The following RAP1GAP2 variants were observed in gnomAD, a reference collection of about 807,000 sequenced individuals.
The protein encoded by RAP1GAP2 is RAP1 GTPase activating protein 2.
A neutral mutation model predicts 95.0 loss-of-function variants in RAP1GAP2; 27 were observed. That is an observed-to-expected ratio of 0.28 (90% CI 0.21 to 0.39). The LOEUF (loss-of-function observed/expected upper bound fraction) is 0.39, where lower values mean the gene tolerates loss of function less well. Among genes scored for constraint, RAP1GAP2 ranks in the 10% least tolerant of loss-of-function variants. The pLI is 1.00. For synonymous variants in RAP1GAP2, 373 were observed against 380.9 expected (o/e 0.98, Z 0.24); for missense variants, 771 against 970.0 (o/e 0.79, Z 2.72).
At chr17:2,975,706 G>C (rs1249611846) in intron 8 of RAP1GAP2, among the ~76,000 whole-genome samples, 1 of 152,248 alleles carries the variant, frequency 6.6e-6, no homozygotes, top group African/African-American at 2.4e-5. Context: ...CTCCTGTGCA[G>C]TTAAGTCTCA....
At chr17:2,916,480 A>G (rs1180557065) in intron 3 of RAP1GAP2, among the ~76,000 whole-genome samples, 1 of 152,218 alleles carries the variant, frequency 6.6e-6, no homozygotes, top group African/African-American at 2.4e-5. Flanking sequence ...TGAAGGTCCC[A>G]CAGCTGGTGA....
chr17:2,957,868 C>T, intron 4 of RAP1GAP2, 74 bp downstream of exon 4: 1 of 1,412,722 alleles, frequency 7.1e-7, no homozygotes, highest in Non-Finnish European at 9.5e-7. Context: ...CCAGGCAGAA[C>T]CCACGGGCAG....
chr17:2,998,468 G>A, intron 14 of RAP1GAP2, 92 bp downstream of exon 14: 2 of 1,425,550 alleles, frequency 1.4e-6, no homozygotes, highest in Admixed American at 4.3e-5. Context: ...GTCCTCAGCA[G>A]TCAGAGATTC....
chr17:2,848,659 G>A (rs1206621568), intron 2 of RAP1GAP2, among the ~76,000 whole-genome samples: 2 of 151,876 alleles, frequency 1.3e-5, no homozygotes, highest in African/African-American at 2.4e-5. Flanking sequence ...TATTCCAAGC[G>A]CCCGCCACCA....
chr17:2,914,554 G>A (rs904060952), intron 3 of RAP1GAP2, among the ~76,000 whole-genome samples: 12 of 151,418 alleles, frequency 7.9e-5, no homozygotes, highest in African/African-American at 2.7e-4. Context: ...GCAGTGGCCC[G>A]ATCTCAGCTC....
intron 19 of RAP1GAP2, among the ~76,000 whole-genome samples, chr17:3,025,395 A>G (rs1366807785): frequency 6.6e-6 from 1 of 152,196 alleles, no homozygotes; most frequent in African/African-American, 2.4e-5. Flanking sequence ...TGCATTGAGG[A>G]CACGGCCATC....
chr17:2,979,027 AAAT>A (rs1597784966), intron 8 of RAP1GAP2, among the ~76,000 whole-genome samples: 1 of 152,128 alleles, frequency 6.6e-6, no homozygotes, highest in African/African-American at 2.4e-5. Context: ...AGGATATTAA[AAAT>A]AATATGTCAG....
At chr17:2,757,098 A>G (rs529809115) in intron 1 of RAP1GAP2, among the ~76,000 whole-genome samples, 6 of 152,264 alleles carry the variant, frequency 3.9e-5, no homozygotes, top group South Asian at 2.1e-4. Context: ...GAAACCAGAT[A>G]AAAGTAGAAT....
intron 2 of RAP1GAP2, among the ~76,000 whole-genome samples, chr17:2,891,709 G>A (rs1252617849): frequency 6.7e-6 from 1 of 149,652 alleles, no homozygotes; most frequent in Non-Finnish European, 1.5e-5. Flanking sequence ...ATTTTAGGTT[G>A]AAAATAATTT....
At chr17:2,991,479 C>T (rs2045748017) in intron 12 of RAP1GAP2, 82 bp downstream of exon 12, 3 of 1,062,574 alleles carry the variant, frequency 2.8e-6, no homozygotes, top group African/African-American at 1.6e-5. Context: ...CCTCAGGGAG[C>T]ACGTGTGAGT....
At chr17:2,999,812 TAAAAC>T (rs992173564) in intron 14 of RAP1GAP2, among the ~76,000 whole-genome samples, 2 of 147,008 alleles carry the variant, frequency 1.4e-5, no homozygotes, top group South Asian at 2.2e-4. Context: ...CAAAACAAAA[TAAAAC>T]AAAACAAGCA....
intron 3 of RAP1GAP2, among the ~76,000 whole-genome samples, chr17:2,946,669 C>G (rs2043707463): frequency 6.6e-6 from 1 of 152,186 alleles, no homozygotes; most frequent in Non-Finnish European, 1.5e-5. Context: ...ATGATGAACC[C>G]CATAGGTCAG....
At chr17:2,767,108 A>G (rs1273841063) in intron 1 of RAP1GAP2, among the ~76,000 whole-genome samples, 1 of 151,804 alleles carries the variant, frequency 6.6e-6, no homozygotes, top group African/African-American at 2.4e-5. Context: ...TCACGTCTGT[A>G]ATCCCAGCAC....
intron 3 of RAP1GAP2, among the ~76,000 whole-genome samples, chr17:2,928,609 C>T (rs567336283): frequency 5.3e-4 from 80 of 152,280 alleles, no homozygotes; most frequent in Admixed American, 1.4e-3. Context: ...TGCCTGGCTA[C>T]GGGGCAGTCA....
At chr17:2,881,027 G>A (rs2073265951) in intron 2 of RAP1GAP2, among the ~76,000 whole-genome samples, 2 of 152,010 alleles carry the variant, frequency 1.3e-5, no homozygotes, top group African/African-American at 2.4e-5. Context: ...TTGGGAGGCC[G>A]AGGCAGGTGG....
At chr17:2,835,002 C>G (rs1025510024) in intron 2 of RAP1GAP2, among the ~76,000 whole-genome samples, 10 of 151,984 alleles carry the variant, frequency 6.6e-5, no homozygotes, top group Non-Finnish European at 1.2e-4. Flanking sequence ...TCACTGCACA[C>G]TCCACCTCCC....
chr17:2,889,863 G>GTATA lies in RAP1GAP2; in HGVS notation c.81-15397_81-15394dup, dbSNP rs748546441. Among the ~76,000 whole-genome samples, 322 of 79,528 alleles carry GTATA rather than the reference G, an allele frequency of 4.0e-3. 3 individuals are homozygous for GTATA. Among genetic ancestry groups the GTATA allele is most frequent in the Middle Eastern group, 6.8e-3 (1 of 148 alleles). 52.2% of individuals were successfully genotyped at this position (79,528 alleles called of 152,430 possible). On this transcript the variant is annotated intron_variant, in intron 2 of 24. Transcript: ENST00000254695. ...ACGCCTGGCTAATTTTTATGTGTGT[G>GTATA]TATATATATATATATATATATATAT...
chr17:2,826,147 A>ATTTTTTTTTTTTTTTT (rs71150901), intron 2 of RAP1GAP2, among the ~76,000 whole-genome samples: 13 of 108,858 alleles, frequency 1.2e-4, no homozygotes, highest in Non-Finnish European at 1.2e-4. Flanking sequence ...CGCCCAGCAA[A>ATTTTTTTTTTTTTTTT]TTTTTTTTTT....
At chr17:2,831,269 A>G (rs2151545898) in intron 2 of RAP1GAP2, among the ~76,000 whole-genome samples, 1 of 148,718 alleles carries the variant, frequency 6.7e-6, no homozygotes, top group Admixed American at 6.8e-5. Flanking sequence ...TAGAGATGGG[A>G]TTTCACTACA....
Sources: gnomAD v4.1 joint callset for allele counts (sites outside exome capture counted in the v4.1 genomes callset) on GRCh38, gnomAD v4.1.1 for gene constraint, MANE v1.5 for transcripts, NCBI Gene and HGNC (gene_info 2026-07-23, HGNC 2026-07-21) for gene names.